The following TRAF2 variants were observed in gnomAD, a reference collection of about 807,000 sequenced individuals.
TRAF2 encodes TNF receptor-associated factor 2.
In TRAF2, 6 loss-of-function variants were observed where a neutral mutation model predicts 55.6. That is an observed-to-expected ratio of 0.11 (90% confidence interval 0.06 to 0.21). The LOEUF is 0.21. Ranked by LOEUF, TRAF2 falls within the 10% of genes least tolerant of loss-of-function variation. The pLI is 1.00. For synonymous variants in TRAF2, 329 were observed against 276.3 expected (o/e 1.19, Z -1.89); for missense variants, 561 against 684.5 (o/e 0.82, Z 2.01).
rs71492143 is a variant in TRAF2 at position 136,911,846 on chromosome 9, C to CTTTTTTTTTTTTTT, written c.603+1860_603+1873dup. The stretch of plus-strand genomic sequence containing the variant: ...GCGTGCTTGGGATTTTCTCTTATCT[C>CTTTTTTTTTTTTTT]TTTTTTTTTTTTTTTTTTTTTGAGA... On this transcript the variant is annotated intron_variant, in intron 6 of 10. Coordinates refer to ENST00000247668, the MANE Select transcript of TRAF2 (RefSeq NM_021138.4). 1.2e-3 allele frequency among the ~76,000 whole-genome samples: 84 copies of CTTTTTTTTTTTTTT among 71,450 alleles called. 15 individuals carry two copies. Among genetic ancestry groups the CTTTTTTTTTTTTTT allele is most frequent in the Middle Eastern group, 0.015 (1 of 66 alleles). The allele number at this position is 71,450 out of a possible 152,430, so 46.9% of individuals were successfully genotyped here. A position where few individuals can be genotyped will look rare whatever the true frequency, so the allele number is the denominator to read the frequency against.
chr9:136,893,250 C>T (rs1272451078), intron 1 of TRAF2, among the ~76,000 whole-genome samples: 1 of 152,162 alleles, frequency 6.6e-6, no homozygotes, highest in Non-Finnish European at 1.5e-5. Context: ...GCCCCAGCGT[C>T]CCTTCTGTTG....
At chr9:136,886,802 C>T (rs17250022) in intron 1 of TRAF2, 148 of 174,780 alleles carry the variant, frequency 8.5e-4, no homozygotes, top group African/African-American at 3.3e-3. Flanking sequence ...GGAGCAGCGC[C>T]AGGGCACGGT....
chr9:136,899,273 A>C (rs1758941005), intron 2 of TRAF2, among the ~76,000 whole-genome samples: 2 of 152,196 alleles, frequency 1.3e-5, no homozygotes, highest in African/African-American at 4.8e-5. Context: ...CCTTCCTTGC[A>C]GCGAGTGGTC....
At chr9:136,901,056 A>G (rs1472188724) in intron 4 of TRAF2, among the ~76,000 whole-genome samples, 1 of 152,162 alleles carries the variant, frequency 6.6e-6, no homozygotes, top group African/African-American at 2.4e-5. Context: ...GGTCACAGCA[A>G]CATAGGCAGT....
intron 2 of TRAF2, 122 bp from the exon 3 acceptor site, chr9:136,899,472 T>C: frequency 2.5e-6 from 2 of 789,944 alleles, no homozygotes; most frequent in South Asian, 3.5e-5. Context: ...GCTGTTGGTT[T>C]CACTAAGGAT....
chr9:136,902,275 T>TG (rs1426621745), intron 4 of TRAF2: 4 of 152,488 alleles, frequency 2.6e-5, no homozygotes, highest in Admixed American at 2.6e-4. Flanking sequence ...GATGGCTCCC[T>TG]GGGGAGGTGG....
At position 136,908,104 on chromosome 9, in the gene TRAF2, C is replaced by T; in HGVS notation, c.401C>T (p.Thr134Ile). 6.2e-7 allele frequency: 1 copy of T among 1,606,024 alleles called. No homozygotes were observed. The highest frequency in any genetic ancestry group is 8.5e-7 in the Non-Finnish European group (1 of 1,179,870). The change falls in exon 5 of 11, where the codon ACC (threonine) becomes ATC (isoleucine). Residue 134 changes from threonine to isoleucine, a missense_variant. Physicochemically the swap from Thr to Ile is moderately conservative, Grantham distance 89. Coordinates refer to ENST00000247668, the MANE Select transcript of TRAF2 (RefSeq NM_021138.4). ...GAAGGCCGCTGCCCGCTCATGCTGA[C>T]CGAATGTCCCGCGTGCAAAGGCCTG... ...CHEGRCPLMLTECPACKGLVR... is the reference protein window; with the variant it reads ...CHEGRCPLMLIECPACKGLVR...
At chr9:136,909,182 C>T (rs1164800401) in intron 5 of TRAF2, among the ~76,000 whole-genome samples, 1 of 152,248 alleles carries the variant, frequency 6.6e-6, no homozygotes, top group Non-Finnish European at 1.5e-5. Context: ...GGGCTTTGCT[C>T]TCAAGACAGT....
At chr9:136,884,515 G>A (rs936183898), upstream of TRAF2, among the ~76,000 whole-genome samples, 13 of 151,830 alleles carry the variant, frequency 8.6e-5, no homozygotes, top group Non-Finnish European at 1.6e-4. Context: ...AGCCGAGATC[G>A]CACCACTGCA....
chr9:136,906,511 C>T (rs937406076), intron 4 of TRAF2, among the ~76,000 whole-genome samples: 6 of 152,114 alleles, frequency 3.9e-5, no homozygotes, highest in Non-Finnish European at 5.9e-5. Flanking sequence ...GGGAAAAACC[C>T]ACCCCATGAT....
At chr9:136,887,998 C>G (rs951716487) in intron 1 of TRAF2, among the ~76,000 whole-genome samples, 2 of 151,848 alleles carry the variant, frequency 1.3e-5, no homozygotes, top group Admixed American at 1.3e-4. Context: ...GCCTCCCGAG[C>G]AGCTGGGATT....
At chr9:136,918,518 G>A (rs1850301164) in intron 7 of TRAF2, among the ~76,000 whole-genome samples, 1 of 151,908 alleles carries the variant, frequency 6.6e-6, no homozygotes, top group South Asian at 2.1e-4. Flanking sequence ...TCGAACTTCT[G>A]ACCTCAAGTG....
chr9:136,907,524 G>T (rs578165244), intron 4 of TRAF2, among the ~76,000 whole-genome samples: 1 of 152,366 alleles, frequency 6.6e-6, no homozygotes, highest in African/African-American at 2.4e-5. Flanking sequence ...GTGGGCTTGT[G>T]CCTCAGGCCT....
intron 4 of TRAF2, among the ~76,000 whole-genome samples, chr9:136,905,002 G>T (rs1459485851): frequency 6.6e-6 from 1 of 152,228 alleles, no homozygotes; most frequent in Non-Finnish European, 1.5e-5. Context: ...AGTAGTTGCT[G>T]TGCCTGTGTG....
upstream of TRAF2, chr9:136,885,976 G>A (rs972931965): frequency 1.3e-5 from 2 of 152,238 alleles, no homozygotes; most frequent in African/African-American, 4.8e-5. Flanking sequence ...GCCCGGCACC[G>A]GGGGAGGCGG....
intron 1 of TRAF2, among the ~76,000 whole-genome samples, chr9:136,893,842 C>T (rs1256067145): frequency 2.0e-5 from 3 of 151,664 alleles, no homozygotes; most frequent in Non-Finnish European, 4.4e-5. Flanking sequence ...CTCTCCTTCC[C>T]GGGTTCAAGC....
rs1271156693 is a variant in TRAF2, at chr9:136,920,279, G to A, written c.724G>A (p.Glu242Lys). 1 of 1,613,526 alleles carries A rather than the reference G, an allele frequency of 6.2e-7. No individual in the cohort carries two copies. Among genetic ancestry groups the A allele is most frequent in the South Asian group, 1.1e-5 (1 of 91,078 alleles). ...QQEHEVQWLR[E>K]HLAMLLSSVL... ...GGAGCACGAGGTGCAGTGGCTGCGG[G>A]AGCACCTGGCCATGCTACTGAGCTC... The change falls in exon 8 of 11, where the codon GAG (glutamate) becomes AAG (lysine). Residue 242 changes from glutamate to lysine, a missense_variant. By Grantham distance (56) the Glu-to-Lys change is moderately conservative (BLOSUM62 1). Transcript: ENST00000247668.
At chr9:136,920,588 T>TCTAGCAGGTC (rs890514313) in intron 8 of TRAF2, 73 bp downstream of exon 8, 20 of 1,494,632 alleles carry the variant, frequency 1.3e-5, no homozygotes, top group Non-Finnish European at 1.6e-5. Flanking sequence ...CCCAGCAGGT[T>TCTAGCAGGTC]CTAGCAGGTC....
intron 1 of TRAF2, among the ~76,000 whole-genome samples, chr9:136,888,634 C>T (rs990743859): frequency 6.6e-6 from 1 of 152,200 alleles, no homozygotes; most frequent in African/African-American, 2.4e-5. Context: ...GGCCAGGTTG[C>T]ACCCATATCT....
Sources: allele counts gnomAD v4.1 joint callset (sites outside exome capture counted in the v4.1 genomes callset), GRCh38; gene constraint gnomAD v4.1.1; transcripts MANE v1.5; gene names NCBI Gene and HGNC (gene_info 2026-07-23, HGNC 2026-07-21).